ERBB4: variants seen among roughly 807,000 people sequenced by gnomAD.
ERBB4 encodes the protein erb-b2 receptor tyrosine kinase 4.
A neutral mutation model predicts 158.0 loss-of-function variants in ERBB4; 42 were observed. The observed-to-expected ratio is 0.27, with a 90% CI of 0.21 to 0.34. ERBB4 has a LOEUF of 0.34. Among genes scored for constraint, ERBB4 ranks in the 10% least tolerant of loss-of-function variants. The pLI is 1.00. For missense variants in ERBB4, 1,333 were observed against 1,624.1 expected (o/e 0.82, Z 3.08); for synonymous variants, 583 against 558.7 (o/e 1.04, Z -0.61).
rs1187102088 is a variant in ERBB4, at chr2:212,311,599, G to A, written c.83-186696C>T. ...AATGCCTACTTTCAGACTATTGTCT[G>A]GAGAGAATCAAAACTATATGAAAAA... is the stretch of plus-strand genomic sequence containing the variant. On this transcript the variant is annotated intron_variant, in intron 1 of 27. Coordinates refer to ENST00000342788, the MANE Select transcript of ERBB4 (RefSeq NM_005235.3). Among the ~76,000 whole-genome samples, 3 of 151,024 alleles carry A rather than the reference G, an allele frequency of 2.0e-5. No individual in the cohort carries two copies. The South Asian group carries it at 6.2e-4, about 31-fold the overall frequency.
chr2:212,325,233 G>A (rs113077060), intron 1 of ERBB4, among the ~76,000 whole-genome samples: 7 of 150,704 alleles, frequency 4.6e-5, no homozygotes, highest in African/African-American at 1.7e-4. Flanking sequence ...TCTTAGGAGA[G>A]TGAAATTCAT....
At chr2:211,853,326 G>A (rs999325693) in intron 3 of ERBB4, among the ~76,000 whole-genome samples, 2 of 151,858 alleles carry the variant, frequency 1.3e-5, no homozygotes, top group African/African-American at 4.8e-5. Flanking sequence ...TTTTAACTGG[G>A]AATCCATTCT....
At chr2:211,934,599 T>A (rs138874088) in intron 3 of ERBB4, among the ~76,000 whole-genome samples, 5,331 of 151,994 alleles carry the variant, frequency 0.035, 128 homozygotes, top group Middle Eastern at 0.088. Flanking sequence ...AAAAAATAAA[T>A]ACTAGAGTAA....
At chr2:212,310,616 T>C (rs1030474749) in intron 1 of ERBB4, among the ~76,000 whole-genome samples, 113 of 98,408 alleles carry the variant, frequency 1.1e-3, no homozygotes, top group Admixed American at 2.0e-3. Flanking sequence ...TATATGTGTG[T>C]GTGTGTGTGT....
At chr2:211,986,281 A>G (rs1367868858) in intron 2 of ERBB4, among the ~76,000 whole-genome samples, 1 of 152,148 alleles carries the variant, frequency 6.6e-6, no homozygotes, top group East Asian at 1.9e-4. Context: ...GTTTAAAGCT[A>G]CTCGATTTGT....
At chr2:212,417,081 AG>A (rs1384044750) in intron 1 of ERBB4, among the ~76,000 whole-genome samples, 1 of 152,112 alleles carries the variant, frequency 6.6e-6, no homozygotes, top group Non-Finnish European at 1.5e-5. Flanking sequence ...CGTTCAAGAT[AG>A]AAAGATCAAG....
intron 1 of ERBB4, among the ~76,000 whole-genome samples, chr2:212,283,280 T>C (rs544936974): frequency 1.3e-5 from 2 of 152,086 alleles, no homozygotes; most frequent in Admixed American, 6.6e-5. Flanking sequence ...TAAAAATCCG[T>C]ATGCCCATCA....
intron 1 of ERBB4, among the ~76,000 whole-genome samples, chr2:212,291,141 G>A (rs944930869): frequency 6.6e-6 from 1 of 152,040 alleles, no homozygotes; most frequent in East Asian, 1.9e-4. Context: ...GTATGTGAAC[G>A]TCAAGTCATA....
chr2:211,981,611 T>A (rs1260602180), intron 2 of ERBB4, among the ~76,000 whole-genome samples: 1 of 152,198 alleles, frequency 6.6e-6, no homozygotes, highest in Non-Finnish European at 1.5e-5. Flanking sequence ...TGCCCATTCC[T>A]CAGTATGAAA....
At chr2:211,421,188 A>ATATT (rs2063507445) in intron 24 of ERBB4, among the ~76,000 whole-genome samples, 1 of 151,690 alleles carries the variant, frequency 6.6e-6, no homozygotes, top group African/African-American at 2.4e-5. Context: ...TATTTTTCCT[A>ATATT]TATTTTTAAA....
intron 2 of ERBB4, among the ~76,000 whole-genome samples, chr2:212,022,215 A>T (rs1309703579): frequency 1.3e-5 from 2 of 152,214 alleles, no homozygotes; most frequent in South Asian, 2.1e-4. Context: ...TCATTCGATT[A>T]TAAAGATACA....
intron 3 of ERBB4, among the ~76,000 whole-genome samples, chr2:211,882,155 C>T (rs1180245239): frequency 6.6e-6 from 1 of 151,996 alleles, no homozygotes; most frequent in Non-Finnish European, 1.5e-5. Flanking sequence ...GCTTACAATC[C>T]TGATTCAGCT....
intron 1 of ERBB4, among the ~76,000 whole-genome samples, chr2:212,282,293 C>A (rs1559918149): frequency 6.6e-6 from 1 of 151,956 alleles, no homozygotes; most frequent in East Asian, 1.9e-4. Context: ...AACTTGGTTA[C>A]AAAGTGACTT....
chr2:212,192,056 TTATA>T (rs1244897304), intron 1 of ERBB4, among the ~76,000 whole-genome samples: 4 of 79,690 alleles, frequency 5.0e-5, no homozygotes, highest in East Asian at 4.4e-4. Context: ...ATGTTATATG[TTATA>T]TATGTTATAT....
At chr2:212,067,639 G>A (rs2077983956) in intron 2 of ERBB4, among the ~76,000 whole-genome samples, 2 of 151,952 alleles carry the variant, frequency 1.3e-5, no homozygotes, top group Non-Finnish European at 2.9e-5. Flanking sequence ...GTCACAACCA[G>A]AGACGTTCAA....
In ERBB4 at chr2:211,580,807, T is replaced by TA. The variant is rs1264138581; in HGVS notation, c.2302-18720dup. ...ATTGTGATATATATATATATATATA[T>TA]ATATAATATATATATATTATATATA... On this transcript the variant is annotated intron_variant, in intron 19 of 27. Transcript: ENST00000342788. Among the ~76,000 whole-genome samples, 62 of 55,638 alleles carry TA rather than the reference T, an allele frequency of 1.1e-3. 4 individuals carry two copies. Among genetic ancestry groups the TA allele is most frequent in the South Asian group, 6.3e-3 (13 of 2,070 alleles). The allele number at this position is 55,638 out of a possible 152,430, so 36.5% of individuals were successfully genotyped here. A position where few individuals can be genotyped will look rare whatever the true frequency, so the allele number is the denominator to read the frequency against.
In ERBB4 at chr2:212,122,045, T is replaced by TTA. The variant is rs34626056; in HGVS notation, c.234+2705_234+2706dup. ...TCTTAGTAATGATAATATTTTATAT[T>TTA]TATATATATATATATGTATATAAAC... On this transcript the variant is annotated intron_variant, in intron 2 of 27. Coordinates refer to ENST00000342788, the MANE Select transcript of ERBB4 (RefSeq NM_005235.3). Among the ~76,000 whole-genome samples, 1,320 of 148,762 alleles carry TTA rather than the reference T, an allele frequency of 8.9e-3. 13 individuals are homozygous for TTA. The highest frequency in any genetic ancestry group is 0.028 in the African/African-American group (1,157 of 40,624).
intron 1 of ERBB4, among the ~76,000 whole-genome samples, chr2:212,371,346 T>C (rs1369126160): frequency 6.6e-6 from 1 of 152,228 alleles, no homozygotes; most frequent in East Asian, 1.9e-4. Context: ...CAATACTCTA[T>C]CTAAACATAT....
intron 1 of ERBB4, among the ~76,000 whole-genome samples, chr2:212,417,604 C>G (rs1044778493): frequency 6.6e-6 from 1 of 152,006 alleles, no homozygotes; most frequent in African/African-American, 2.4e-5. Context: ...GATATTCAAC[C>G]TGTAATGTCA....
Sources: allele counts gnomAD v4.1 joint callset (sites outside exome capture counted in the v4.1 genomes callset), GRCh38; gene constraint gnomAD v4.1.1; transcripts MANE v1.5; gene names NCBI Gene and HGNC (gene_info 2026-07-23, HGNC 2026-07-21).